The following AKAP7 variants were observed in gnomAD, a reference collection of about 807,000 sequenced individuals.
AKAP7 encodes A-kinase anchoring protein 7.
A neutral mutation model predicts 39.5 loss-of-function variants in AKAP7; 39 were observed. The observed-to-expected ratio is 0.99, with a 90% CI of 0.76 to 1.29. The LOEUF (loss-of-function observed/expected upper bound fraction) is 1.29. Ranked by LOEUF, AKAP7 falls within the 50% of genes most tolerant of loss-of-function variation. The probability of loss-of-function intolerance (pLI) is 0.00; values close to 1 mark genes in which losing one functional copy is unlikely to be tolerated. For missense variants in AKAP7, 414 were observed against 407.7 expected, an observed-to-expected ratio of 1.02 and a Z score of -0.13; for synonymous variants, 140 against 139.1, an observed-to-expected ratio of 1.01 and a Z score of -0.05.
In AKAP7 at chr6:131,281,746, A is replaced by T. The variant is rs532394065; in HGVS notation, c.*20A>T. ...AAATGAGCCCGGAACGCAGGCCCCC[A>T]TGTCTCTGTGCAAAGCCTCCCTGCT... is the stretch of plus-strand genomic sequence containing the variant. On this transcript the variant is annotated 3_prime_UTR_variant, in exon 8 of 8. Transcript: ENST00000431975. The surrounding 1 kb of genome is among the most constrained non-coding windows in gnomAD (Gnocchi z 4.0). 6.3e-7 allele frequency: 1 copy of T among 1,575,392 alleles called. No homozygotes were observed. The highest frequency in any genetic ancestry group is 1.2e-5 in the South Asian group (1 of 83,870).
At chr6:131,240,743 A>T (rs1811476602) in intron 7 of AKAP7, among the ~76,000 whole-genome samples, 2 of 152,326 alleles carry the variant, frequency 1.3e-5, no homozygotes, top group Middle Eastern at 3.4e-3. Flanking sequence ...GCTGTTTGCT[A>T]AGACTGTTGG....
intron 7 of AKAP7, among the ~76,000 whole-genome samples, chr6:131,278,399 A>G (rs1252331410): frequency 6.6e-6 from 1 of 152,248 alleles, no homozygotes; most frequent in Non-Finnish European, 1.5e-5. Context: ...CCAAATGGCC[A>G]TGTACTATAC....
intron 1 of AKAP7, chr6:131,136,772 G>A: frequency 1.3e-6 from 1 of 782,366 alleles, no homozygotes; most frequent in Non-Finnish European, 1.6e-6. Context: ...CCCTTTTTAT[G>A]AGGAGGAAAG....
At chr6:131,164,522 C>T (rs1416544090) in intron 3 of AKAP7, 2 of 435,762 alleles carry the variant, frequency 4.6e-6, no homozygotes, top group Non-Finnish European at 9.3e-6. Context: ...TGGTAATGCC[C>T]CTCCCCACAG....
chr6:131,263,723 G>C (rs1303202216), intron 7 of AKAP7, among the ~76,000 whole-genome samples: 1 of 152,140 alleles, frequency 6.6e-6, no homozygotes, highest in African/African-American at 2.4e-5. Flanking sequence ...AGTTACCAAG[G>C]GGACAGGTGC....
intron 5 of AKAP7, chr6:131,184,909 T>C: frequency 1.0e-6 from 1 of 962,934 alleles, no homozygotes; most frequent in Non-Finnish European, 1.7e-6. Flanking sequence ...AGCATCCAGC[T>C]CCTTATGGGC....
At chr6:131,215,575 T>C (rs554000001) in intron 6 of AKAP7, among the ~76,000 whole-genome samples, 8 of 152,110 alleles carry the variant, frequency 5.3e-5, no homozygotes, top group Non-Finnish European at 1.2e-4. Context: ...GAAAATGAAA[T>C]AGTGCAAATA....
chr6:131,184,688 T>TG, intron 5 of AKAP7: 1 of 784,752 alleles, frequency 1.3e-6, no homozygotes, highest in South Asian at 1.4e-5. Flanking sequence ...TTACAGTAGT[T>TG]GTTGGGCAAG....
At chr6:131,132,641 T>C (rs987320049), upstream of AKAP7, among the ~76,000 whole-genome samples, 3 of 152,234 alleles carry the variant, frequency 2.0e-5, no homozygotes, top group South Asian at 6.2e-4. Flanking sequence ...AATTATTTTC[T>C]AGAATGTCAC....
At position 131,249,364 on chromosome 6, in the gene AKAP7, A is replaced by T. The variant is rs140656654; in HGVS notation, c.850+29556A>T. ...TCTTCACTGTTTTTTTTAATGCGAC[A>T]AATATAATTTGTAAAATTGACAATT... On this transcript the variant is annotated intron_variant, in intron 7 of 7. Transcript: ENST00000431975. Among the ~76,000 whole-genome samples, 1,110 of 152,290 alleles carry T rather than the reference A, an allele frequency of 7.3e-3. 10 individuals are homozygous for T. Among genetic ancestry groups the T allele is most frequent in the African/African-American group, 0.026 (1,068 of 41,550 alleles).
chr6:131,259,486 A>G (rs1311009816), intron 7 of AKAP7, among the ~76,000 whole-genome samples: 1 of 152,188 alleles, frequency 6.6e-6, no homozygotes, highest in East Asian at 1.9e-4. Flanking sequence ...TGTGGAAGCA[A>G]AAGAAGAGTT....
At chr6:131,280,107 TATTA>T (rs1815085776) in intron 7 of AKAP7, among the ~76,000 whole-genome samples, 1 of 152,210 alleles carries the variant, frequency 6.6e-6, no homozygotes, top group Non-Finnish European at 1.5e-5. Flanking sequence ...TCTTTAACCG[TATTA>T]TTTAGTAAGT....
intron 5 of AKAP7, among the ~76,000 whole-genome samples, chr6:131,191,888 G>A (rs569996383): frequency 1.1e-4 from 16 of 146,670 alleles, no homozygotes; most frequent in Admixed American, 5.6e-4. Flanking sequence ...CTGTCACCCA[G>A]CTTAGCCTCC....
chr6:131,217,332 G>A (rs3777480), intron 6 of AKAP7, among the ~76,000 whole-genome samples: 73,616 of 151,722 alleles, frequency 0.49, 18,018 homozygotes, highest in Admixed American at 0.54. Flanking sequence ...GAAAGAAAAC[G>A]CCACCTGCTG....
chr6:131,241,926 T>C, intron 7 of AKAP7: 2 of 503,408 alleles, frequency 4.0e-6, no homozygotes, highest in Non-Finnish European at 5.1e-6. Flanking sequence ...GATTGCATCT[T>C]CTACAGAGAA....
chr6:131,237,576 A>G (rs1051579002), intron 7 of AKAP7, among the ~76,000 whole-genome samples: 1 of 151,962 alleles, frequency 6.6e-6, no homozygotes, highest in Non-Finnish European at 1.5e-5. Flanking sequence ...TATTGCCTCA[A>G]TTTCAGAGCC....
intron 1 of AKAP7, among the ~76,000 whole-genome samples, chr6:131,139,360 A>G (rs1307928306): frequency 2.6e-5 from 4 of 152,162 alleles, no homozygotes. Context: ...TTTGTATTTC[A>G]AGTTCTAGAC....
the AKAP7 span, among the ~76,000 whole-genome samples, chr6:131,127,095 G>C: frequency 6.6e-6 from 1 of 151,976 alleles, no homozygotes; most frequent in Non-Finnish European, 1.5e-5. Context: ...TCCCAGGCTG[G>C]AGTGCAGTGG....
chr6:131,207,760 A>G (rs1808270403), intron 6 of AKAP7, among the ~76,000 whole-genome samples: 1 of 151,964 alleles, frequency 6.6e-6, no homozygotes, highest in Non-Finnish European at 1.5e-5. Context: ...CTACATTTTA[A>G]AGAATATTCC....
Sources: allele counts gnomAD v4.1 joint callset (sites outside exome capture counted in the v4.1 genomes callset), GRCh38; gene constraint gnomAD v4.1.1; non-coding constraint Gnocchi (gnomAD v3.1); transcripts MANE v1.5; gene names NCBI Gene and HGNC (gene_info 2026-07-23, HGNC 2026-07-21).